Variants in SORCS3 observed in about 807,000 individuals in gnomAD.
The protein encoded by SORCS3 is VPS10 domain-containing receptor SorCS3.
A neutral mutation model predicts 146.3 loss-of-function variants in SORCS3; 57 were observed. That is an observed-to-expected ratio of 0.39 (90% confidence interval 0.31 to 0.49). The LOEUF (loss-of-function observed/expected upper bound fraction) is 0.49. Ranked by LOEUF, SORCS3 falls within the 20% of genes least tolerant of loss-of-function variation. The pLI, the probability that SORCS3 is intolerant of heterozygous loss-of-function variation, is 0.92. For synonymous variants in SORCS3, 653 were observed against 618.5 expected (o/e 1.06, Z -0.83); for missense variants, 1,341 against 1,575.5 (o/e 0.85, Z 2.52).
intron 5 of SORCS3, among the ~76,000 whole-genome samples, chr10:105,082,648 G>A (rs1204959523): frequency 6.6e-6 from 1 of 152,150 alleles, no homozygotes; most frequent in Non-Finnish European, 1.5e-5. Flanking sequence ...AAAATCTACT[G>A]GAAAACGTTA....
At chr10:104,705,329 A>AT (rs1175958962) in intron 1 of SORCS3, among the ~76,000 whole-genome samples, 94 of 138,018 alleles carry the variant, frequency 6.8e-4, no homozygotes, top group African/African-American at 1.6e-3. Context: ...CCAGTGCCCG[A>AT]TTTTTTTTTT....
intron 3 of SORCS3, among the ~76,000 whole-genome samples, chr10:104,975,926 A>C (rs2054894361): frequency 6.6e-6 from 1 of 152,368 alleles, no homozygotes; most frequent in East Asian, 1.9e-4. Flanking sequence ...TGGATTAAAG[A>C]CTTAAACATT....
At chr10:104,808,005 A>G (rs1423267518) in intron 1 of SORCS3, among the ~76,000 whole-genome samples, 2 of 152,210 alleles carry the variant, frequency 1.3e-5, no homozygotes, top group Non-Finnish European at 2.9e-5. Flanking sequence ...TAATATAGCT[A>G]AGGTTATGCA....
intron 1 of SORCS3, among the ~76,000 whole-genome samples, chr10:104,643,757 C>A (rs1013589750): frequency 7.5e-6 from 1 of 133,374 alleles, no homozygotes; most frequent in Non-Finnish European, 1.6e-5. Flanking sequence ...GGGGTTCTTA[C>A]TTGGTGAGGA....
In SORCS3 at chr10:104,824,415, A is replaced by G. The variant is rs991043; in HGVS notation, c.628-18377A>G. On this transcript the variant is annotated intron_variant, in intron 1 of 26. Transcript: ENST00000369701. ...TCTTGCACTGAAAGTGCCTTAGGTC[A>G]GGAACTTTGTGTCTCTCATCCCTAC... Among the ~76,000 whole-genome samples the G allele has an allele frequency of 9.2e-3, 1,398 of 152,324 alleles. 15 individuals are homozygous for G. The highest frequency in any genetic ancestry group is 0.032 in the African/African-American group (1,321 of 41,574).
At chr10:105,082,731 A>T (rs980204088) in intron 5 of SORCS3, among the ~76,000 whole-genome samples, 14 of 152,146 alleles carry the variant, frequency 9.2e-5, no homozygotes, top group South Asian at 2.1e-4. Flanking sequence ...TAATTTTTTT[A>T]AATTATTTAT....
chr10:104,786,051 C>T (rs2017431681), intron 1 of SORCS3, among the ~76,000 whole-genome samples: 1 of 152,100 alleles, frequency 6.6e-6, no homozygotes, highest in Non-Finnish European at 1.5e-5. Flanking sequence ...AGGGGAGGAT[C>T]CTCTTTAGTC....
At chr10:104,729,203 C>T (rs1347593457) in intron 1 of SORCS3, among the ~76,000 whole-genome samples, 1 of 152,154 alleles carries the variant, frequency 6.6e-6, no homozygotes, top group Admixed American at 6.6e-5. Context: ...AAACAAGAAG[C>T]ACATGTTGTT....
chr10:105,162,471 G>A (rs1426969362), intron 11 of SORCS3, among the ~76,000 whole-genome samples: 1 of 152,030 alleles, frequency 6.6e-6, no homozygotes. Flanking sequence ...CCATAACTCC[G>A]GCTCTTCCTA....
Position 104,695,125 on chromosome 10 carries a change from G to A in SORCS3, c.627+53171G>A, listed in dbSNP as rs376130957. Among the ~76,000 whole-genome samples, 5 of 152,240 alleles carry A rather than the reference G, an allele frequency of 3.3e-5. No homozygotes were observed. In the East Asian group the frequency reaches 7.7e-4, roughly 23 times the overall value. ...TTTGGGACAGTCAGATCAGCTTTGT[G>A]TAATGGAATTTTATTGTGGTGATTT... On this transcript the variant is annotated intron_variant, in intron 1 of 26. Coordinates refer to ENST00000369701, the MANE Select transcript of SORCS3 (RefSeq NM_014978.3).
At chr10:105,170,095 G>A (rs921913737) in intron 13 of SORCS3, among the ~76,000 whole-genome samples, 5 of 152,104 alleles carry the variant, frequency 3.3e-5, no homozygotes, top group African/African-American at 1.2e-4. Flanking sequence ...CCTTTTGGTG[G>A]TAGAAGAGAA....
At chr10:104,757,066 GTTTTTTT>G (rs35550035) in intron 1 of SORCS3, among the ~76,000 whole-genome samples, 1 of 83,984 alleles carries the variant, frequency 1.2e-5, no homozygotes, top group African/African-American at 4.6e-5. Flanking sequence ...CAAGTTAAGG[GTTTTTTT>G]TTTTTTTTTT....
chr10:105,072,253 C>T (rs1032488152), intron 5 of SORCS3, among the ~76,000 whole-genome samples: 1 of 152,134 alleles, frequency 6.6e-6, no homozygotes, highest in African/African-American at 2.4e-5. Context: ...GGGCTCTGAG[C>T]AACTTGCTGC....
intron 21 of SORCS3, 76 bp from the exon 22 acceptor site, chr10:105,247,143 G>A: frequency 1.5e-6 from 1 of 671,040 alleles, no homozygotes; most frequent in Non-Finnish European, 2.5e-6. Context: ...GCACAGTGAT[G>A]GTGGAGCTCC....
intron 4 of SORCS3, among the ~76,000 whole-genome samples, chr10:105,016,155 A>T (rs2462602): frequency 0.11 from 10,792 of 101,468 alleles, 885 homozygotes; most frequent in African/African-American, 0.19. Flanking sequence ...ATATATATAT[A>T]TTTTTTTTTT....
chr10:104,814,074 C>T (rs954075027), intron 1 of SORCS3, among the ~76,000 whole-genome samples: 2 of 151,858 alleles, frequency 1.3e-5, no homozygotes, highest in East Asian at 1.9e-4. Flanking sequence ...TGCACAGGCT[C>T]TTCTAGAATA....
chr10:105,001,121 C>T, intron 4 of SORCS3, among the ~76,000 whole-genome samples: 1 of 152,032 alleles, frequency 6.6e-6, no homozygotes, highest in East Asian at 1.9e-4. Context: ...TTCAGACTAA[C>T]CATGTAAGGT....
At chr10:104,988,810 C>A (rs1156778280) in intron 4 of SORCS3, among the ~76,000 whole-genome samples, 1 of 152,128 alleles carries the variant, frequency 6.6e-6, no homozygotes, top group Non-Finnish European at 1.5e-5. Flanking sequence ...AAGATTCTTT[C>A]CCCAAAACTC....
At chr10:105,178,300 A>G (rs566719339) in intron 14 of SORCS3, 127 bp downstream of exon 14, 5 of 629,536 alleles carry the variant, frequency 7.9e-6, no homozygotes, top group East Asian at 3.0e-5. Context: ...AAATTTCCTC[A>G]TCTATAAAAT....
Sources: gnomAD v4.1 joint callset for allele counts (sites outside exome capture counted in the v4.1 genomes callset) on GRCh38, gnomAD v4.1.1 for gene constraint, MANE v1.5 for transcripts, NCBI Gene and HGNC (gene_info 2026-07-23, HGNC 2026-07-21) for gene names.